LIN28B: variants seen among roughly 807,000 people sequenced by gnomAD.
The protein encoded by LIN28B is protein lin-28 homolog B.
Under a neutral mutation model 21.9 loss-of-function variants are expected in LIN28B, and 5 were observed. The observed-to-expected ratio is 0.23, with a 90% CI of 0.12 to 0.48. LIN28B has a LOEUF of 0.48. Among genes scored for constraint, LIN28B ranks in the 20% least tolerant of loss-of-function variants. LIN28B has a pLI of 0.98. For missense variants in LIN28B, 245 were observed against 310.5 expected, an observed-to-expected ratio of 0.79 and a Z score of 1.58; for synonymous variants, 109 against 111.3, an observed-to-expected ratio of 0.98 and a Z score of 0.13.
chr6:104,947,523 G>A (rs1477627890), intron 2 of LIN28B, among the ~76,000 whole-genome samples: 1 of 152,052 alleles, frequency 6.6e-6, no homozygotes, highest in African/African-American at 2.4e-5. Flanking sequence ...AATATATAAT[G>A]TATTTGTGAA....
chr6:105,043,368 A>AAAAAG (rs1464585520), intron 3 of LIN28B, among the ~76,000 whole-genome samples: 1 of 125,668 alleles, frequency 8.0e-6, no homozygotes, highest in Non-Finnish European at 1.7e-5. Flanking sequence ...AAAAAAAAAA[A>AAAAAG]AAAAGAAAAC....
In LIN28B at chr6:105,078,431, G is replaced by A; in HGVS notation, c.401G>A (p.Gly134Asp). The change falls in exon 4 of 4, where the codon GGC (glycine) becomes GAC (aspartate). Residue 134 changes from glycine to aspartate, a missense_variant. By Grantham distance (94) the Gly-to-Asp change is moderately conservative (BLOSUM62 -1). Coordinates refer to ENST00000345080, the MANE Select transcript of LIN28B (RefSeq NM_001004317.4). ...CCTTGTAGATGCTACAACTGTGGTG[G>A]CCTTGATCATCATGCTAAGGAATGT... ...PKGDRCYNCG[G>D]LDHHAKECSL... The A allele has an allele frequency of 6.2e-7, 1 of 1,605,654 alleles. No homozygotes were observed. Among genetic ancestry groups the A allele is most frequent in the East Asian group, 2.2e-5 (1 of 44,664 alleles).
intron 3 of LIN28B, among the ~76,000 whole-genome samples, chr6:105,073,599 C>A (rs1487380911): frequency 6.6e-6 from 1 of 152,168 alleles, no homozygotes. Flanking sequence ...CCCCATCAGA[C>A]CCTCAGAATG....
upstream of LIN28B, among the ~76,000 whole-genome samples, chr6:104,956,443 A>C (rs926044835): frequency 1.3e-5 from 2 of 152,216 alleles, no homozygotes; most frequent in South Asian, 2.1e-4. Flanking sequence ...TTACCTAAAC[A>C]CAATTTGACT....
intron 2 of LIN28B, among the ~76,000 whole-genome samples, chr6:104,942,987 T>G (rs1292775109): frequency 1.3e-5 from 2 of 152,154 alleles, no homozygotes; most frequent in African/African-American, 2.4e-5. Context: ...ACTATGTATG[T>G]TCTCTGCTAG....
chr6:105,026,883 T>C (rs1771297066), intron 3 of LIN28B, among the ~76,000 whole-genome samples: 1 of 152,068 alleles, frequency 6.6e-6, no homozygotes, highest in African/African-American at 2.4e-5. Flanking sequence ...CCAAATAATA[T>C]AAAAACCGTA....
chr6:104,975,405 A>G (rs1432738526), intron 2 of LIN28B, among the ~76,000 whole-genome samples: 1 of 152,156 alleles, frequency 6.6e-6, no homozygotes, highest in East Asian at 1.9e-4. Context: ...AATGCTTGCT[A>G]ACACTAAATC....
At chr6:105,010,161 G>C (rs892320746) in intron 2 of LIN28B, among the ~76,000 whole-genome samples, 1 of 151,816 alleles carries the variant, frequency 6.6e-6, no homozygotes, top group African/African-American at 2.4e-5. Flanking sequence ...TATGAGAGCA[G>C]CCTGGGCAAC....
upstream of LIN28B, among the ~76,000 whole-genome samples, chr6:104,956,305 G>A (rs139409285): frequency 2.7e-4 from 41 of 152,100 alleles, no homozygotes; most frequent in African/African-American, 9.4e-4. Context: ...TTCACTCTAT[G>A]TTAGGCTGGA....
In LIN28B at chr6:105,026,407, G is replaced by C; in HGVS notation, c.308G>C (p.Gly103Ala). 1 of 1,611,314 alleles carries C rather than the reference G, an allele frequency of 6.2e-7. No homozygotes were observed. Among genetic ancestry groups the C allele is most frequent in the Non-Finnish European group, 8.5e-7 (1 of 1,178,200 alleles). Reference sequence around the variant, plus strand: ...GAGTCAATACGGGTAACAGGACCTGGTGGGAGCCCCTGTTTAGGAAGTGAA... The same window carrying C: ...GAGTCAATACGGGTAACAGGACCTGCTGGGAGCCCCTGTTTAGGAAGTGAA... ...GLESIRVTGP[G>A]GSPCLGSERR... The change falls in exon 3 of 4, where the codon GGT becomes GCT. Residue 103 changes from glycine to alanine, a missense_variant. By Grantham distance (60) the Gly-to-Ala change is moderately conservative. Coordinates refer to ENST00000345080, the MANE Select transcript of LIN28B (RefSeq NM_001004317.4).
At chr6:104,991,821 G>A (rs554811105) in intron 2 of LIN28B, among the ~76,000 whole-genome samples, 3 of 152,306 alleles carry the variant, frequency 2.0e-5, no homozygotes, top group Admixed American at 6.5e-5. Context: ...GACCAGCCCG[G>A]CCAACACAGC....
At chr6:104,966,766 C>G (rs1409018556) in intron 2 of LIN28B, among the ~76,000 whole-genome samples, 1 of 151,904 alleles carries the variant, frequency 6.6e-6, no homozygotes, top group Non-Finnish European at 1.5e-5. Context: ...TGACTACAGG[C>G]ACTCGCCACC....
chr6:104,955,356 A>G (rs1778272010), upstream of LIN28B, among the ~76,000 whole-genome samples: 2 of 152,188 alleles, frequency 1.3e-5, no homozygotes, highest in South Asian at 4.1e-4. Context: ...TATTCCTCCC[A>G]AAATAAATAA....
intron 2 of LIN28B, among the ~76,000 whole-genome samples, chr6:104,992,788 G>A (rs1770519352): frequency 6.6e-6 from 1 of 152,060 alleles, no homozygotes. Flanking sequence ...GAGATTATAG[G>A]CATGAGCCAT....
intron 2 of LIN28B, among the ~76,000 whole-genome samples, chr6:104,942,108 C>A (rs1363707169): frequency 6.6e-6 from 1 of 152,140 alleles, no homozygotes; most frequent in Non-Finnish European, 1.5e-5. Flanking sequence ...GAACTAAATT[C>A]TCCACTGTAG....
intron 2 of LIN28B, among the ~76,000 whole-genome samples, chr6:104,998,948 G>A (rs1451537224): frequency 6.6e-6 from 1 of 152,072 alleles, no homozygotes; most frequent in East Asian, 1.9e-4. Context: ...CAATTGCAAA[G>A]TAAGAAAATG....
chr6:104,985,609 T>C (rs1770322377), intron 2 of LIN28B, among the ~76,000 whole-genome samples: 1 of 152,180 alleles, frequency 6.6e-6, no homozygotes, highest in Non-Finnish European at 1.5e-5. Flanking sequence ...ATGAACAGAA[T>C]AGTTTTAAAT....
chr6:105,069,311 T>C (rs1772284036), intron 3 of LIN28B, among the ~76,000 whole-genome samples: 1 of 152,190 alleles, frequency 6.6e-6, no homozygotes, highest in Non-Finnish European at 1.5e-5. Context: ...TTATATGCTG[T>C]TCAAAATTAT....
chr6:104,954,351 T>C (rs1778258333), upstream of LIN28B, among the ~76,000 whole-genome samples: 1 of 152,170 alleles, frequency 6.6e-6, no homozygotes, highest in Admixed American at 6.5e-5. Context: ...ATTTATATTA[T>C]AAAAGGATTT....
Sources: allele counts gnomAD v4.1 joint callset (sites outside exome capture counted in the v4.1 genomes callset), GRCh38; gene constraint gnomAD v4.1.1; transcripts MANE v1.5; gene names NCBI Gene and HGNC (gene_info 2026-07-23, HGNC 2026-07-21).